The following LINGO2 variants were observed in gnomAD, a reference collection of about 807,000 sequenced individuals.
LINGO2 encodes the protein leucine rich repeat and Ig domain containing 2.
In LINGO2, 14 loss-of-function variants were observed where a neutral mutation model predicts 30.6. The ratio of observed to expected loss-of-function variants is 0.46; its 90% CI spans 0.30 to 0.72. The LOEUF (loss-of-function observed/expected upper bound fraction) is 0.72, where lower values mean the gene tolerates loss of function less well. Ranked by LOEUF, LINGO2 falls within the 30% of genes least tolerant of loss-of-function variation. The probability of loss-of-function intolerance (pLI) is 0.07; values close to 1 mark genes in which losing one functional copy is unlikely to be tolerated. For synonymous variants in LINGO2, 317 were observed against 288.5 expected, an observed-to-expected ratio of 1.10 and a Z score of -1.00; for missense variants, 729 against 751.7, an observed-to-expected ratio of 0.97 and a Z score of 0.35.
At chr9:28,785,862 T>C in the LINGO2 span, among the ~76,000 whole-genome samples, 1 of 151,712 alleles carries the variant, frequency 6.6e-6, no homozygotes, top group Non-Finnish European at 1.5e-5. Flanking sequence ...GTTACTTCTG[T>C]AGACCTACAG....
chr9:28,676,632 G>A, the LINGO2 span, among the ~76,000 whole-genome samples: 24 of 152,018 alleles, frequency 1.6e-4, no homozygotes, highest in Non-Finnish European at 2.6e-4. Flanking sequence ...TGTTGGTGGT[G>A]GTGTTGGTGG....
chr9:28,479,897 GTATATATACGTAGGTATATA>G (rs1825874247), intron 1 of LINGO2, among the ~76,000 whole-genome samples: 1 of 104,424 alleles, frequency 9.6e-6, no homozygotes, highest in African/African-American at 3.6e-5. Context: ...GTGTGTATGT[GTATATATACGTAGGTATATA>G]TATATATATA....
the LINGO2 span, among the ~76,000 whole-genome samples, chr9:28,879,006 G>A: frequency 6.6e-6 from 1 of 152,062 alleles, no homozygotes; most frequent in Non-Finnish European, 1.5e-5. Flanking sequence ...GGCAGGAGAA[G>A]GAAATAAAGT....
chr9:28,397,634 A>C (rs1490513660), intron 2 of LINGO2, among the ~76,000 whole-genome samples: 2 of 128,264 alleles, frequency 1.6e-5, no homozygotes, highest in Admixed American at 1.9e-4. Flanking sequence ...TGCAAGCTCC[A>C]CCTCCCGGGT....
At chr9:28,126,609 G>A (rs1329553193) in intron 4 of LINGO2, among the ~76,000 whole-genome samples, 1 of 152,168 alleles carries the variant, frequency 6.6e-6, no homozygotes, top group African/African-American at 2.4e-5. Context: ...TCACTTTGGG[G>A]CACCTAGGGG....
chr9:29,013,563 T>C, the LINGO2 span, among the ~76,000 whole-genome samples: 1 of 152,132 alleles, frequency 6.6e-6, no homozygotes, highest in African/African-American at 2.4e-5. Flanking sequence ...GAGTGTTAGA[T>C]GCCTTTGAAA....
chr9:28,990,240 T>A, the LINGO2 span, among the ~76,000 whole-genome samples: 43 of 151,518 alleles, frequency 2.8e-4, no homozygotes, highest in African/African-American at 9.7e-4. Context: ...GCCCACGGAG[T>A]CTCGCTGACT....
chr9:28,879,253 A>AT, the LINGO2 span, among the ~76,000 whole-genome samples: 21,237 of 151,990 alleles, frequency 0.14, 2,166 homozygotes, highest in African/African-American at 0.29. Context: ...TTCTAGTATT[A>AT]TTTTTTAATA....
the LINGO2 span, among the ~76,000 whole-genome samples, chr9:29,023,934 T>A: frequency 1.3e-5 from 2 of 152,118 alleles, no homozygotes; most frequent in African/African-American, 4.8e-5. Context: ...TGAAGCACTT[T>A]TTTTTCCAAA....
chr9:28,963,716 G>A, the LINGO2 span, among the ~76,000 whole-genome samples: 2 of 151,962 alleles, frequency 1.3e-5, no homozygotes, highest in Admixed American at 1.3e-4. Context: ...TCACATATGT[G>A]AGCTAAGAAA....
the LINGO2 span, among the ~76,000 whole-genome samples, chr9:28,921,387 C>G: frequency 6.6e-6 from 1 of 152,130 alleles, no homozygotes; most frequent in Non-Finnish European, 1.5e-5. Flanking sequence ...TTCGTAGGAC[C>G]AATCAGAGTC....
the LINGO2 span, among the ~76,000 whole-genome samples, chr9:28,898,394 T>C: frequency 3.9e-5 from 6 of 152,154 alleles, no homozygotes; most frequent in Non-Finnish European, 7.4e-5. Flanking sequence ...ACTAAGGCAC[T>C]GACACTCAGA....
the LINGO2 span, among the ~76,000 whole-genome samples, chr9:29,174,558 A>T: frequency 2.6e-5 from 4 of 152,124 alleles, no homozygotes; most frequent in African/African-American, 9.7e-5. Context: ...AAGCTTTTGA[A>T]AATACATAAT....
At chr9:29,133,900 T>C in the LINGO2 span, among the ~76,000 whole-genome samples, 4 of 152,108 alleles carry the variant, frequency 2.6e-5, no homozygotes, top group African/African-American at 4.8e-5. Context: ...TAATGTCCCA[T>C]CTGCTAAATG....
the LINGO2 span, among the ~76,000 whole-genome samples, chr9:29,027,411 C>T: frequency 6.6e-6 from 1 of 152,140 alleles, no homozygotes; most frequent in East Asian, 1.9e-4. Context: ...AATCTTGGCT[C>T]ACTGAAACCT....
chr9:28,260,380 T>C (rs1404899537), intron 4 of LINGO2, among the ~76,000 whole-genome samples: 1 of 151,874 alleles, frequency 6.6e-6, no homozygotes, highest in Non-Finnish European at 1.5e-5. Context: ...CTGATGTGTT[T>C]CGTAATGGTC....
chr9:28,048,358 CAA>C (rs1030126080), intron 4 of LINGO2, among the ~76,000 whole-genome samples: 9 of 150,672 alleles, frequency 6.0e-5, no homozygotes, highest in Non-Finnish European at 1.2e-4. Flanking sequence ...AAGGAAATCT[CAA>C]AGTGAAAAAG....
chr9:28,882,679 C>T, the LINGO2 span, among the ~76,000 whole-genome samples: 6 of 152,164 alleles, frequency 3.9e-5, no homozygotes, highest in Admixed American at 3.9e-4. Flanking sequence ...TCTTGGTTGT[C>T]TGTCATTGTC....
chr9:28,048,684 T>C (rs769148865), intron 4 of LINGO2, among the ~76,000 whole-genome samples: 1 of 150,798 alleles, frequency 6.6e-6, no homozygotes, highest in Non-Finnish European at 1.5e-5. Context: ...TTATCTACGA[T>C]GCCAAAAGGC....
Sources: allele counts gnomAD v4.1 joint callset (sites outside exome capture counted in the v4.1 genomes callset), GRCh38; gene constraint gnomAD v4.1.1; transcripts MANE v1.5; gene names NCBI Gene and HGNC (gene_info 2026-07-23, HGNC 2026-07-21).